Variants in PCDHGB4 observed in about 807,000 individuals in gnomAD.
PCDHGB4 encodes protocadherin gamma-B4.
In PCDHGB4, 38 loss-of-function variants were observed where a neutral mutation model predicts 60.5. That is an observed-to-expected ratio of 0.63 (90% CI 0.48 to 0.82). The LOEUF is 0.82. PCDHGB4 is among the 40% of genes least tolerant of loss of function. The pLI is 0.00. For synonymous variants in PCDHGB4, 456 were observed against 509.7 expected (o/e 0.89, Z 1.42); for missense variants, 1,109 against 1,209.6 (o/e 0.92, Z 1.23).
intron 2 of PCDHGB4, among the ~76,000 whole-genome samples, chr5:141,496,013 T>C (rs2154591828): frequency 6.6e-6 from 1 of 152,134 alleles, no homozygotes; most frequent in East Asian, 1.9e-4. Flanking sequence ...CTTGTCTTTT[T>C]TCTCTGAGCC....
rs1406362621 is a variant in PCDHGB4, at chr5:141,477,099, G to A, written c.2398-17708G>A. On this transcript the variant is annotated intron_variant, in intron 1 of 3. Transcript: ENST00000519479. This position sits in a 1 kb window ranked among gnomAD's most constrained non-coding sequence, Gnocchi z 4.9. ...ATTTACATCCAGGCCAAAGACAAGG[G>A]CGCCAATCCCGAAGGAGCACATTGC... The A allele has an allele frequency of 6.2e-7, 1 of 1,614,256 alleles. No individual in the cohort carries two copies. Among genetic ancestry groups the A allele is most frequent in the Non-Finnish European group, 8.5e-7 (1 of 1,180,054 alleles).
rs761106133 is a variant in PCDHGB4 at position 141,432,117 on chromosome 5, C to A, written c.2397+41836C>A. 1 of 1,614,180 alleles carries A rather than the reference C, an allele frequency of 6.2e-7. No individual in the cohort carries two copies. Among genetic ancestry groups the A allele is most frequent in the Admixed American group, 1.7e-5 (1 of 60,024 alleles). ...ACCAACGACAACCCGCCGGTCTTCC[C>A]TCAGGCCTCCTATTCCGCTTATATC... On this transcript the variant is annotated intron_variant, in intron 1 of 3. Transcript: ENST00000519479. The surrounding 1 kb of genome is among the most constrained non-coding windows in gnomAD (Gnocchi z 6.0).
chr5:141,421,537 T>C (rs11167744), intron 1 of PCDHGB4: 139,246 of 1,613,908 alleles, frequency 0.086, 6,702 homozygotes, highest in East Asian at 0.14. Context: ...GTCCTCCTGT[T>C]TTTTAAATAT....
chr5:141,507,619 G>T (rs1237918589), intron 3 of PCDHGB4, among the ~76,000 whole-genome samples: 22 of 152,256 alleles, frequency 1.4e-4, no homozygotes, highest in Admixed American at 1.4e-3. Context: ...ATATTTAGCT[G>T]TTGTGGCCTT....
At chr5:141,399,497 T>C in intron 1 of PCDHGB4, 1 of 1,614,030 alleles carries the variant, frequency 6.2e-7, no homozygotes, top group Non-Finnish European at 8.5e-7. Flanking sequence ...TTAGTCAGTG[T>C]ACCCGAAAAC....
intron 1 of PCDHGB4, among the ~76,000 whole-genome samples, chr5:141,464,913 A>T (rs1035542028): frequency 1.3e-4 from 19 of 151,426 alleles, no homozygotes; most frequent in Admixed American, 1.2e-3. Context: ...TAATTTTTTT[A>T]TTTTTTTGTA....
At chr5:141,478,287 G>C (rs777542913) in intron 1 of PCDHGB4, 1 of 1,614,154 alleles carries the variant, frequency 6.2e-7, no homozygotes, top group South Asian at 1.1e-5. Context: ...AAGCAGTCTA[G>C]AGACCTATAC....
At chr5:141,417,710 T>A in intron 1 of PCDHGB4, 2 of 1,249,348 alleles carry the variant, frequency 1.6e-6, no homozygotes, top group Admixed American at 5.9e-5. Context: ...ACACAGAGGC[T>A]CCCGGCTGCG....
At position 141,408,970 on chromosome 5, in the gene PCDHGB4, C is replaced by T. The variant is rs755949698; in HGVS notation, c.2397+18689C>T. The stretch of plus-strand genomic sequence containing the variant: ...GAATTAGTCTTAGTGAAAATCTGCC[C>T]CCTGGGTCCCCTGTGTTGCAAGTGA... On this transcript the variant is annotated intron_variant, in intron 1 of 3. Coordinates refer to ENST00000519479, the MANE Select transcript of PCDHGB4 (RefSeq NM_003736.4). 10 of 1,613,770 alleles carry T rather than the reference C, an allele frequency of 6.2e-6. No homozygotes were observed. The South Asian group carries it at 1.1e-4, about 18-fold the overall frequency.
chr5:141,471,058 T>C (rs991869999), intron 1 of PCDHGB4, among the ~76,000 whole-genome samples: 2 of 149,826 alleles, frequency 1.3e-5, no homozygotes, highest in Non-Finnish European at 3.0e-5. Context: ...TTTTTTTTTT[T>C]TTTTTTTTGA....
chr5:141,411,568 AG>A (rs2095500132), intron 1 of PCDHGB4: 1 of 152,232 alleles, frequency 6.6e-6, no homozygotes, highest in South Asian at 2.1e-4. Context: ...TGGGCGACAG[AG>A]TGCGACCCTG....
rs540471918 is a variant in PCDHGB4 at position 141,433,283 on chromosome 5, T to C, written c.2397+43002T>C. ...ATCATAGCTCACTGCAGCCTCAAAC[T>C]CCTAGGCTCAAGCAATTATCCCACC... On this transcript the variant is annotated intron_variant, in intron 1 of 3. Coordinates refer to ENST00000519479, the MANE Select transcript of PCDHGB4 (RefSeq NM_003736.4). The C allele has an allele frequency of 4.2e-5, 50 of 1,183,074 alleles. No homozygotes were observed. In the Admixed American group the frequency reaches 7.9e-4, roughly 19 times the overall value. 73.3% of individuals were successfully genotyped at this position (1,183,074 alleles called of 1,614,324 possible).
intron 1 of PCDHGB4, chr5:141,392,860 T>C (rs726684): frequency 6.2e-7 from 1 of 1,612,118 alleles, no homozygotes; most frequent in Non-Finnish European, 8.5e-7. Flanking sequence ...CTGATCCTGC[T>C]GTGCGCGCTG....
intron 1 of PCDHGB4, chr5:141,399,615 A>G (rs756068630): frequency 1.2e-6 from 2 of 1,613,942 alleles, no homozygotes; most frequent in South Asian, 1.1e-5. Context: ...AGCCTCTGGC[A>G]CTGGCCTCTT....
In PCDHGB4 at chr5:141,421,081, A is replaced by C. The variant is rs775366249; in HGVS notation, c.2397+30800A>C. 61 of 637,820 alleles carry C rather than the reference A, an allele frequency of 9.6e-5. 1 individual carries two copies. The Middle Eastern group carries it at 2.9e-3, about 31-fold the overall frequency. The allele number at this position is 637,820 out of a possible 1,614,324, so 39.5% of individuals were successfully genotyped here. ...ACAAAGCGGAATGAGATGGATACTCACAGATCCTGACACTGGAGACTTAGA... is the reference window on the plus strand; with the variant it reads ...ACAAAGCGGAATGAGATGGATACTCCCAGATCCTGACACTGGAGACTTAGA... On this transcript the variant is annotated intron_variant, in intron 1 of 3. Coordinates refer to ENST00000519479, the MANE Select transcript of PCDHGB4 (RefSeq NM_003736.4).
rs1349935659 is a variant in PCDHGB4 at position 141,507,722 on chromosome 5, A to C, written c.2545+2241A>C. 6.6e-5 allele frequency among the ~76,000 whole-genome samples: 10 copies of C among 152,354 alleles called. No homozygotes were observed. In the East Asian group the frequency reaches 1.9e-3, roughly 29 times the overall value. ...ATTTATGGCCCCAAACCCTCCAAGC[A>C]AGTCATGCAGCTCGTTCCCCTGTCA... On this transcript the variant is annotated intron_variant, in intron 3 of 3. Coordinates refer to ENST00000519479, the MANE Select transcript of PCDHGB4 (RefSeq NM_003736.4).
rs1229623400 is a variant in PCDHGB4, at chr5:141,505,984, T to A, written c.2545+503T>A. 4.6e-5 allele frequency among the ~76,000 whole-genome samples: 7 copies of A among 152,198 alleles called. No homozygotes were observed. In the East Asian group the frequency reaches 1.4e-3, roughly 30 times the overall value. On this transcript the variant is annotated intron_variant, in intron 3 of 3. Coordinates refer to ENST00000519479, the MANE Select transcript of PCDHGB4 (RefSeq NM_003736.4). ...AGAAATCCCCAGCCGAGAGAACACC[T>A]CCTCTTTATGCGAGGCTCCTCTTTT...
In PCDHGB4 at chr5:141,403,718, C is replaced by T. The variant is rs77227638; in HGVS notation, c.2397+13437C>T. 9.8e-3 allele frequency: 15,884 copies of T among 1,613,838 alleles called. 137 individuals carry two copies. The highest frequency in any genetic ancestry group is 0.011 in the Non-Finnish European group (12,686 of 1,179,868). ...CCGAGTTAAAGTCCTTGAGAACGTG[C>T]CCCCAGGCACCTGGCTGCTTACTGC... On this transcript the variant is annotated intron_variant, in intron 1 of 3. Coordinates refer to ENST00000519479, the MANE Select transcript of PCDHGB4 (RefSeq NM_003736.4).
chr5:141,427,304 C>T, intron 1 of PCDHGB4: 1 of 456,910 alleles, frequency 2.2e-6, no homozygotes, highest in Non-Finnish European at 4.4e-6. Flanking sequence ...ATGAGAATGA[C>T]AATGCCCCAG....
Sources: allele counts gnomAD v4.1 joint callset (sites outside exome capture counted in the v4.1 genomes callset), GRCh38; gene constraint gnomAD v4.1.1; non-coding constraint Gnocchi (gnomAD v3.1); transcripts MANE v1.5; gene names NCBI Gene and HGNC (gene_info 2026-07-23, HGNC 2026-07-21).